The following ANK3 variants were observed in gnomAD, a reference collection of about 807,000 sequenced individuals.
ANK3 encodes the protein ankyrin 3.
In ANK3, 57 loss-of-function variants were observed where a neutral mutation model predicts 370.9. The ratio of observed to expected loss-of-function variants is 0.15; its 90% CI spans 0.12 to 0.19. The LOEUF (loss-of-function observed/expected upper bound fraction) is 0.19. Ranked by LOEUF, ANK3 falls within the 10% of genes least tolerant of loss-of-function variation. ANK3 has a pLI of 1.00. For synonymous variants in ANK3, 1,929 were observed against 1,946.3 expected (o/e 0.99, Z 0.23); for missense variants, 4,439 against 5,302.1 (o/e 0.84, Z 5.06).
intron 12 of ANK3, 119 bp from the exon 13 acceptor site, chr10:60,200,346 C>T (rs2096653067): frequency 2.6e-6 from 2 of 764,504 alleles, no homozygotes; most frequent in African/African-American, 3.5e-5. Flanking sequence ...TAAGCACTTC[C>T]TTATTGAAAA....
chr10:60,217,790 T>C (rs1269639117), intron 8 of ANK3, among the ~76,000 whole-genome samples: 1 of 152,212 alleles, frequency 6.6e-6, no homozygotes, highest in Non-Finnish European at 1.5e-5. Context: ...CAGAGCTGAA[T>C]TCAAATCCTG....
intron 1 of ANK3, among the ~76,000 whole-genome samples, chr10:60,287,183 GT>G (rs2040208133): frequency 6.6e-6 from 1 of 152,120 alleles, no homozygotes; most frequent in Non-Finnish European, 1.5e-5. Context: ...AAGTAAAACA[GT>G]TTTTGCTTTC....
At chr10:60,592,200 C>T (rs1236617692) in intron 2 of ANK3, among the ~76,000 whole-genome samples, 1 of 152,010 alleles carries the variant, frequency 6.6e-6, no homozygotes, top group Non-Finnish European at 1.5e-5. Flanking sequence ...TAAATATATA[C>T]ACCTATTATG....
At chr10:60,295,708 G>A (rs905435381) in intron 1 of ANK3, among the ~76,000 whole-genome samples, 2 of 152,060 alleles carry the variant, frequency 1.3e-5, no homozygotes, top group African/African-American at 4.8e-5. Flanking sequence ...TTTTGATTAT[G>A]AGGATTATAA....
At chr10:60,471,899 A>C (rs2065228864) in intron 2 of ANK3, among the ~76,000 whole-genome samples, 1 of 152,066 alleles carries the variant, frequency 6.6e-6, no homozygotes, top group African/African-American at 2.4e-5. Context: ...CTATACCGCA[A>C]ATAAAGGCCC....
chr10:60,123,053 G>C (rs1046369158), intron 25 of ANK3, among the ~76,000 whole-genome samples: 5 of 152,120 alleles, frequency 3.3e-5, no homozygotes, highest in African/African-American at 9.7e-5. Context: ...TATTAGCCCT[G>C]AGAGTAATGG....
At chr10:60,082,280 A>C in intron 34 of ANK3, 104 bp from the exon 35 acceptor site, 1 of 1,040,498 alleles carries the variant, frequency 9.6e-7, no homozygotes, top group Non-Finnish European at 1.4e-6. Flanking sequence ...CACAAATGCA[A>C]GCTGATTTAG....
chr10:60,258,854 C>T (rs1346566706), intron 7 of ANK3, among the ~76,000 whole-genome samples: 4 of 152,212 alleles, frequency 2.6e-5, no homozygotes, highest in Non-Finnish European at 1.5e-5. Context: ...TGCAGCCCCC[C>T]AAGACAAAGG....
rs572585020 is a variant in ANK3 at position 60,466,240 on chromosome 10, G to C, written c.96+148946C>G. 8.5e-5 allele frequency among the ~76,000 whole-genome samples: 13 copies of C among 152,224 alleles called. No individual in the cohort carries two copies. In the East Asian group the frequency reaches 2.1e-3, roughly 25 times the overall value. ...ATCTGAAGGACTAGCTTCGGAGGAGGCAGTAGATTCATTTTCTTTCTCTTC... is the reference window on the plus strand; with the variant it reads ...ATCTGAAGGACTAGCTTCGGAGGAGCCAGTAGATTCATTTTCTTTCTCTTC... On this transcript the variant is annotated intron_variant, in intron 2 of 43. Coordinates refer to the ANK3 transcript ENST00000373827.
chr10:60,626,056 C>T (rs989270681), intron 1 of ANK3, among the ~76,000 whole-genome samples: 3 of 151,782 alleles, frequency 2.0e-5, no homozygotes, highest in East Asian at 1.9e-4. Flanking sequence ...TTTTGGAAGA[C>T]GGTCCCTTTG....
chr10:60,720,108 G>T (rs1410387900), intron 1 of ANK3, among the ~76,000 whole-genome samples: 1 of 152,192 alleles, frequency 6.6e-6, no homozygotes, highest in Non-Finnish European at 1.5e-5. Context: ...TTTTGCAACA[G>T]AGAATTTGTG....
intron 1 of ANK3, among the ~76,000 whole-genome samples, chr10:60,339,071 A>T (rs911865971): frequency 2.0e-5 from 3 of 152,064 alleles, no homozygotes; most frequent in Non-Finnish European, 4.4e-5. Flanking sequence ...TTTCTTTGTT[A>T]GTACCAAAAT....
intron 2 of ANK3, among the ~76,000 whole-genome samples, chr10:60,536,884 C>T (rs147093996): frequency 1.6e-4 from 24 of 151,898 alleles, no homozygotes; most frequent in African/African-American, 5.3e-4. Context: ...TTTATTTATG[C>T]GAGAATAAAT....
intron 1 of ANK3, among the ~76,000 whole-genome samples, chr10:60,313,922 G>GTTTTTTTT (rs1167769019): frequency 1.6e-5 from 2 of 124,118 alleles, no homozygotes; most frequent in African/African-American, 6.2e-5. Context: ...CCTCTGTTTT[G>GTTTTTTTT]TTTTTGTTTT....
chr10:60,428,689 T>A (rs570677835), intron 2 of ANK3, among the ~76,000 whole-genome samples: 7 of 152,330 alleles, frequency 4.6e-5, no homozygotes, highest in South Asian at 4.1e-4. Context: ...TGGGTTTCCC[T>A]GAATAAATCA....
rs115613098 is a variant in ANK3, at chr10:60,593,530, C to T, written c.96+21656G>A. On this transcript the variant is annotated intron_variant, in intron 2 of 43. Coordinates refer to the ANK3 transcript ENST00000373827. ...ATGTAGCAAATAAAACATTTTAATC[C>T]ATAATTAGGAAAATTTTTTTTTAAA... Among the ~76,000 whole-genome samples, 670 of 152,164 alleles carry T rather than the reference C, an allele frequency of 4.4e-3. 7 individuals are homozygous for T. Among genetic ancestry groups the T allele is most frequent in the African/African-American group, 0.015 (631 of 41,492 alleles).
At chr10:60,545,019 G>GGT (rs2076929659) in intron 2 of ANK3, among the ~76,000 whole-genome samples, 1 of 918 alleles carries the variant, frequency 1.1e-3, no homozygotes, top group Admixed American at 8.6e-3. Context: ...TCCCCGGAAG[G>GGT]CTCTTGTAAC....
At chr10:60,322,950 T>C (rs764141986) in intron 1 of ANK3, among the ~76,000 whole-genome samples, 5 of 152,140 alleles carry the variant, frequency 3.3e-5, no homozygotes, top group Non-Finnish European at 2.9e-5. Flanking sequence ...GAAGAGCAGG[T>C]TGGGCATGAA....
In ANK3 at chr10:60,073,355, G is replaced by A. The variant is rs747865981; in HGVS notation, c.7526C>T (p.Ala2509Val). 1.2e-6 allele frequency: 2 copies of A among 1,613,662 alleles called. No homozygotes were observed. The highest frequency in any genetic ancestry group is 1.7e-6 in the Non-Finnish European group (2 of 1,179,996). Residue 2509 changes from alanine to valine, a missense_variant, in exon 37 of 44, where the codon GCC becomes GTC. Physicochemically the swap from Ala to Val is moderately conservative, Grantham distance 64. This residue lies in a region of ANK3 where 1,601 missense variants were observed against 1,731.7 expected (regional missense o/e 0.92). Transcript: ENST00000280772. Reference sequence around the variant, plus strand: ...TTTGGAGAGAATTTCTTTTTTGGGGGCAGTGGCTATTTTTTCTCTGGACCG... The same window carrying A: ...TTTGGAGAGAATTTCTTTTTTGGGGACAGTGGCTATTTTTTCTCTGGACCG... ...DKRSREKIATAPKKEILSKIY... is the reference protein window; with the variant it reads ...DKRSREKIATVPKKEILSKIY...
Sources: gnomAD v4.1 joint callset for allele counts (sites outside exome capture counted in the v4.1 genomes callset) on GRCh38, gnomAD v4.1.1 for gene constraint, gnomAD v4.1.1 regional missense constraint, MANE v1.5 for transcripts, NCBI Gene and HGNC (gene_info 2026-07-23, HGNC 2026-07-21) for gene names.